TANC2: variants seen among roughly 807,000 people sequenced by gnomAD.
The protein encoded by TANC2 is tetratricopeptide repeat, ankyrin repeat and coiled-coil containing 2.
In TANC2, 26 loss-of-function variants were observed where a neutral mutation model predicts 210.5. The observed-to-expected ratio is 0.12, with a 90% CI of 0.09 to 0.17. The LOEUF is 0.17. Ranked by LOEUF, TANC2 falls within the 10% of genes least tolerant of loss-of-function variation. The pLI, the probability that TANC2 is intolerant of heterozygous loss-of-function variation, is 1.00. For missense variants in TANC2, 2,129 were observed against 2,608.9 expected (o/e 0.82, Z 4.01); for synonymous variants, 931 against 967.1 (o/e 0.96, Z 0.69).
chr17:63,337,039 T>C (rs943152130), intron 11 of TANC2, among the ~76,000 whole-genome samples: 1 of 152,190 alleles, frequency 6.6e-6, no homozygotes, highest in Non-Finnish European at 1.5e-5. Context: ...GGGAAAGTTA[T>C]ACGTAATATT....
chr17:63,151,453 T>A (rs1286463202), intron 5 of TANC2, 73 bp downstream of exon 5: 1 of 685,000 alleles, frequency 1.5e-6, no homozygotes. Context: ...GAGCAGTGTT[T>A]TGCATGTATA....
intron 9 of TANC2, among the ~76,000 whole-genome samples, chr17:63,312,826 AC>A (rs2045174410): frequency 6.6e-6 from 1 of 151,902 alleles, no homozygotes; most frequent in South Asian, 2.1e-4. Context: ...GCTTCCCCTA[AC>A]CCCCCACAAC....
intron 7 of TANC2, among the ~76,000 whole-genome samples, chr17:63,219,896 CA>C (rs1239483544): frequency 3.9e-5 from 6 of 152,096 alleles, no homozygotes; most frequent in Admixed American, 1.3e-4. Flanking sequence ...TGAAAAAGAA[CA>C]AAGTTGGAGG....
At chr17:63,181,838 G>A (rs555001543) in intron 5 of TANC2, among the ~76,000 whole-genome samples, 2 of 152,248 alleles carry the variant, frequency 1.3e-5, no homozygotes, top group South Asian at 2.1e-4. Context: ...TTGTTATTCG[G>A]TGGTTACAGA....
At chr17:63,121,959 T>C (rs944416200) in intron 4 of TANC2, among the ~76,000 whole-genome samples, 1 of 141,690 alleles carries the variant, frequency 7.1e-6, no homozygotes, top group Non-Finnish European at 1.5e-5. Context: ...AGAGTGAGAC[T>C]TCATCTCTTG....
chr17:63,402,443 T>C (rs2048372117), intron 19 of TANC2, among the ~76,000 whole-genome samples: 1 of 152,264 alleles, frequency 6.6e-6, no homozygotes, highest in Non-Finnish European at 1.5e-5. Flanking sequence ...TAATGTCATT[T>C]TGAATAGCAG....
At chr17:63,222,781 C>T (rs1343075313) in intron 7 of TANC2, among the ~76,000 whole-genome samples, 1 of 151,914 alleles carries the variant, frequency 6.6e-6, no homozygotes, top group Non-Finnish European at 1.5e-5. Flanking sequence ...TATTTTACTC[C>T]TAGGCATAGG....
chr17:63,376,959 A>G (rs961838439), intron 14 of TANC2, among the ~76,000 whole-genome samples: 2 of 152,126 alleles, frequency 1.3e-5, no homozygotes, highest in African/African-American at 4.8e-5. Flanking sequence ...CTGGGACTAC[A>G]GGTGCCCACC....
chr17:63,296,001 G>A (rs1279239342), intron 9 of TANC2, among the ~76,000 whole-genome samples: 1 of 152,048 alleles, frequency 6.6e-6, no homozygotes, highest in East Asian at 1.9e-4. Context: ...AGACTACTCA[G>A]CTAGAGCTCA....
chr17:63,004,859 G>A, intron 1 of TANC2: 1 of 324,836 alleles, frequency 3.1e-6, no homozygotes. Flanking sequence ...GGTTTTAGAG[G>A]AGCAGGTTTA....
chr17:62,989,317 T>G (rs778594118), intron 1 of TANC2, among the ~76,000 whole-genome samples: 19 of 152,258 alleles, frequency 1.2e-4, no homozygotes, highest in Non-Finnish European at 2.6e-4. Flanking sequence ...GAAAAAGATT[T>G]GAGGCGGCAT....
At chr17:63,037,222 C>T (rs2144209853) in intron 2 of TANC2, among the ~76,000 whole-genome samples, 1 of 152,158 alleles carries the variant, frequency 6.6e-6, no homozygotes, top group Non-Finnish European at 1.5e-5. Context: ...GTAGGGTATA[C>T]AGCATGGATA....
chr17:63,045,786 A>G (rs1246672031), intron 2 of TANC2, among the ~76,000 whole-genome samples: 3 of 151,888 alleles, frequency 2.0e-5, no homozygotes, highest in Non-Finnish European at 4.4e-5. Flanking sequence ...AGTTCTTTCC[A>G]TATTCTTTTT....
intron 8 of TANC2, among the ~76,000 whole-genome samples, chr17:63,266,363 T>G (rs1332483862): frequency 1.3e-5 from 2 of 152,160 alleles, no homozygotes; most frequent in African/African-American, 4.8e-5. Context: ...TGCTGACATT[T>G]TTTTACTAAC....
chr17:62,981,344 G>C (rs891431676), intron 1 of TANC2, among the ~76,000 whole-genome samples: 7 of 152,004 alleles, frequency 4.6e-5, no homozygotes, highest in African/African-American at 1.7e-4. Flanking sequence ...ATTTCCTTCA[G>C]TTGTCCATTA....
chr17:63,205,315 TA>T (rs1567813359), intron 7 of TANC2, among the ~76,000 whole-genome samples: 1 of 46,880 alleles, frequency 2.1e-5, no homozygotes, highest in East Asian at 5.7e-4. Context: ...TTAAAAACTG[TA>T]AAACTGCTCA....
chr17:63,287,684 A>G (rs947415853), intron 9 of TANC2, among the ~76,000 whole-genome samples: 20 of 104,954 alleles, frequency 1.9e-4, no homozygotes, highest in African/African-American at 1.2e-3. Flanking sequence ...TGTCCTGTAT[A>G]TATTTTTTTT....
chr17:63,329,624 T>C (rs1209620217), intron 11 of TANC2, among the ~76,000 whole-genome samples: 1 of 152,204 alleles, frequency 6.6e-6, no homozygotes, highest in African/African-American at 2.4e-5. Flanking sequence ...TTTTTAATTA[T>C]TACTATATTT....
At chr17:63,340,431 A>G (rs1221195344) in intron 12 of TANC2, 99 bp downstream of exon 12, 1 of 987,474 alleles carries the variant, frequency 1.0e-6, no homozygotes, top group African/African-American at 1.7e-5. Flanking sequence ...CATTGCCAAA[A>G]CTAAATGTTC....
Sources: allele counts gnomAD v4.1 joint callset (sites outside exome capture counted in the v4.1 genomes callset), GRCh38; gene constraint gnomAD v4.1.1; transcripts MANE v1.5; gene names NCBI Gene and HGNC (gene_info 2026-07-23, HGNC 2026-07-21).